The following GPHN variants were observed in gnomAD, a reference collection of about 807,000 sequenced individuals.
GPHN encodes the protein gephyrin.
GPHN carries 17 observed loss-of-function variants against 95.5 expected under a neutral mutation model. That is an observed-to-expected ratio of 0.18 (90% CI 0.12 to 0.27). The LOEUF is 0.27. GPHN is among the 10% of genes least tolerant of loss of function. The pLI is 1.00. For missense variants in GPHN, 660 were observed against 978.1 expected (o/e 0.67, Z 4.34); for synonymous variants, 320 against 322.5 (o/e 0.99, Z 0.08).
intron 9 of GPHN, among the ~76,000 whole-genome samples, chr14:67,003,353 T>C (rs1196535989): frequency 6.6e-6 from 1 of 151,724 alleles, no homozygotes; most frequent in African/African-American, 2.4e-5. Flanking sequence ...TATTACACTA[T>C]TAGTAACTGA....
chr14:66,641,737 C>T (rs2064425232), intron 1 of GPHN, among the ~76,000 whole-genome samples: 1 of 151,454 alleles, frequency 6.6e-6, no homozygotes. Context: ...TAACATTTCA[C>T]TGGAAAATAT....
At chr14:67,051,533 A>G (rs1186211760) in intron 10 of GPHN, among the ~76,000 whole-genome samples, 1 of 152,182 alleles carries the variant, frequency 6.6e-6, no homozygotes, top group Non-Finnish European at 1.5e-5. Flanking sequence ...TGGAAAACGT[A>G]CATCAGGATA....
the GPHN span, among the ~76,000 whole-genome samples, chr14:67,300,959 TG>T: frequency 6.6e-6 from 1 of 152,184 alleles, no homozygotes; most frequent in Non-Finnish European, 1.5e-5. Flanking sequence ...CTCAAAGTGC[TG>T]GGATTACAGG....
At position 66,824,533 on chromosome 14, in the gene GPHN, A is replaced by G; in HGVS notation, c.261A>G (p.Gly87=). 1 of 1,587,236 alleles carries G rather than the reference A, an allele frequency of 6.3e-7. No homozygotes were observed. The highest frequency in any genetic ancestry group is 8.7e-7 in the Non-Finnish European group (1 of 1,155,616). Residue 87 remains glycine, a synonymous_variant, in exon 4 of 23, where the codon GGA becomes GGG. Coordinates refer to ENST00000478722, the MANE Select transcript of GPHN (RefSeq NM_020806.5). ...KELNLILTTG[G]TGFAPRDVTP... is the part of the protein sequence containing the mutation. ...TTAATTTGATATTAACAACTGGAGG[A>G]ACAGGATTTGCACCACGAGATGTCA...
At chr14:66,577,834 C>T (rs1412133094) in intron 1 of GPHN, among the ~76,000 whole-genome samples, 1 of 151,926 alleles carries the variant, frequency 6.6e-6, no homozygotes, top group Non-Finnish European at 1.5e-5. Flanking sequence ...CTCTCCCAGT[C>T]AAGGTTATAT....
At chr14:67,245,270 A>C in the GPHN span, among the ~76,000 whole-genome samples, 2 of 152,328 alleles carry the variant, frequency 1.3e-5, no homozygotes, top group South Asian at 4.1e-4. Flanking sequence ...CATTTCCACC[A>C]GCAATATATG....
chr14:66,621,525 C>T (rs1297016036), intron 1 of GPHN, among the ~76,000 whole-genome samples: 9 of 151,388 alleles, frequency 5.9e-5, no homozygotes, highest in Non-Finnish European at 1.0e-4. Flanking sequence ...CCTGGGTTCA[C>T]ACCATTCTCC....
At chr14:66,712,277 G>C (rs555964760) in intron 2 of GPHN, among the ~76,000 whole-genome samples, 1 of 152,056 alleles carries the variant, frequency 6.6e-6, no homozygotes, top group South Asian at 2.1e-4. Flanking sequence ...TTTAATGATC[G>C]CCATTCTAAC....
At chr14:67,049,318 C>T (rs1430569405) in intron 10 of GPHN, among the ~76,000 whole-genome samples, 3 of 152,078 alleles carry the variant, frequency 2.0e-5, no homozygotes, top group Admixed American at 6.6e-5. Flanking sequence ...AGCTCCGCCT[C>T]CCGGGTTCAC....
chr14:67,615,845 A>T, the GPHN span: 1 of 622,462 alleles, frequency 1.6e-6, no homozygotes, highest in South Asian at 1.6e-5. Flanking sequence ...TGGCCTGTCC[A>T]TTGGTGATTC....
chr14:66,643,647 C>T lies in GPHN; in HGVS notation c.65-37460C>T, dbSNP rs149181115. 2.9e-3 allele frequency among the ~76,000 whole-genome samples: 438 copies of T among 151,912 alleles called. 2 individuals carry two copies. The highest frequency in any genetic ancestry group is 4.3e-3 in the Non-Finnish European group (295 of 67,838). On this transcript the variant is annotated intron_variant, in intron 1 of 22. Transcript: ENST00000478722. Reference sequence around the variant, plus strand: ...CAAAAGGAATGCCTATGGTATGATTCATTTTTATAAAGTTCAGAAACAGAC... The same window carrying T: ...CAAAAGGAATGCCTATGGTATGATTTATTTTTATAAAGTTCAGAAACAGAC...
In GPHN at chr14:66,604,621, A is replaced by G. The variant is rs1465370020; in HGVS notation, c.65-76486A>G. On this transcript the variant is annotated intron_variant, in intron 1 of 22. Coordinates refer to ENST00000478722, the MANE Select transcript of GPHN (RefSeq NM_020806.5). Reference sequence around the variant, plus strand: ...CATTAGAAAAATATTCCAATATGTAACAGTATATATACTCAGAAATGCATA... The same window carrying G: ...CATTAGAAAAATATTCCAATATGTAGCAGTATATATACTCAGAAATGCATA... 2.0e-5 allele frequency among the ~76,000 whole-genome samples: 3 copies of G among 152,290 alleles called. No homozygotes were observed. The East Asian group carries it at 5.8e-4, about 29-fold the overall frequency.
the GPHN span, among the ~76,000 whole-genome samples, chr14:67,234,873 A>G: frequency 2.0e-5 from 3 of 149,892 alleles, no homozygotes; most frequent in Non-Finnish European, 3.0e-5. Context: ...TTTAAAGTTC[A>G]GGCCGGGTGC....
chr14:67,198,679 AG>A, the GPHN span, among the ~76,000 whole-genome samples: 14 of 152,228 alleles, frequency 9.2e-5, no homozygotes, highest in African/African-American at 3.4e-4. Flanking sequence ...ATCTATGACT[AG>A]GGATTACAAT....
At chr14:67,554,415 G>T in the GPHN span, among the ~76,000 whole-genome samples, 3 of 152,208 alleles carry the variant, frequency 2.0e-5, no homozygotes, top group Non-Finnish European at 1.5e-5. Flanking sequence ...AACTTGGGAA[G>T]TGAGGGGCAC....
At chr14:66,827,490 C>T (rs192276924) in intron 4 of GPHN, among the ~76,000 whole-genome samples, 2 of 152,112 alleles carry the variant, frequency 1.3e-5, no homozygotes, top group East Asian at 1.9e-4. Flanking sequence ...TTCTATAAAG[C>T]GAGGGAAATA....
chr14:67,057,111 C>A (rs1446104731), intron 10 of GPHN, among the ~76,000 whole-genome samples: 1 of 152,160 alleles, frequency 6.6e-6, no homozygotes, highest in Non-Finnish European at 1.5e-5. Flanking sequence ...CCTCGGCCAG[C>A]CCAGAGAGGG....
At chr14:67,159,561 C>G (rs752331506) in intron 19 of GPHN, 73 bp downstream of exon 19, 202 of 814,944 alleles carry the variant, frequency 2.5e-4, no homozygotes, top group Non-Finnish European at 3.3e-4. Context: ...TTTTAAATGC[C>G]TTCTTTTTAC....
chr14:67,049,129 CTT>C (rs546094239), intron 10 of GPHN, among the ~76,000 whole-genome samples: 4 of 151,882 alleles, frequency 2.6e-5, no homozygotes, highest in South Asian at 2.1e-4. Flanking sequence ...TTTTTTTTCT[CTT>C]CTAACAAACT....
Sources: allele counts gnomAD v4.1 joint callset (sites outside exome capture counted in the v4.1 genomes callset), GRCh38; gene constraint gnomAD v4.1.1; transcripts MANE v1.5; gene names NCBI Gene and HGNC (gene_info 2026-07-23, HGNC 2026-07-21).